Variants in ANK3 observed in about 807,000 individuals in gnomAD.
The protein encoded by ANK3 is ankyrin-3.
ANK3 carries 57 observed loss-of-function variants against 370.9 expected under a neutral mutation model. The ratio of observed to expected loss-of-function variants is 0.15; its 90% CI spans 0.12 to 0.19. ANK3 has a LOEUF of 0.19. Ranked by LOEUF, ANK3 falls within the 10% of genes least tolerant of loss-of-function variation. The pLI is 1.00. For synonymous variants in ANK3, 1,929 were observed against 1,946.3 expected (o/e 0.99, Z 0.23); for missense variants, 4,439 against 5,302.1 (o/e 0.84, Z 5.06).
At chr10:60,392,642 G>C (rs1369587510), upstream of ANK3, among the ~76,000 whole-genome samples, 1 of 152,182 alleles carries the variant, frequency 6.6e-6, no homozygotes, top group East Asian at 1.9e-4. Context: ...TAAAAGCTTA[G>C]GGTATGCCGG....
At chr10:60,505,851 A>G (rs1409095416) in intron 2 of ANK3, among the ~76,000 whole-genome samples, 1 of 152,132 alleles carries the variant, frequency 6.6e-6, no homozygotes, top group Non-Finnish European at 1.5e-5. Flanking sequence ...TCCAAGCACA[A>G]TTAAATATAT....
chr10:60,189,213 T>A (rs1046145756), intron 16 of ANK3, among the ~76,000 whole-genome samples: 3 of 152,214 alleles, frequency 2.0e-5, no homozygotes, highest in Admixed American at 6.5e-5. Flanking sequence ...GCTGTGGCAG[T>A]CAGGCATGGC....
intron 2 of ANK3, among the ~76,000 whole-genome samples, chr10:60,566,452 T>C (rs2077463654): frequency 6.6e-6 from 1 of 152,132 alleles, no homozygotes; most frequent in East Asian, 1.9e-4. Flanking sequence ...GTGAGCCAAA[T>C]TATGAATGCA....
chr10:60,107,746 TACACACACACACACATGCGCACGCGCAC>T (rs947752904), intron 27 of ANK3, among the ~76,000 whole-genome samples: 2 of 151,668 alleles, frequency 1.3e-5, no homozygotes, highest in African/African-American at 4.8e-5. Flanking sequence ...AAGATCTAAT[TACACACACACACACATGCGCACGCGCAC>T]ACACACACAC....
chr10:60,169,876 C>A (rs1003926452), intron 21 of ANK3, among the ~76,000 whole-genome samples: 8 of 152,012 alleles, frequency 5.3e-5, no homozygotes, highest in African/African-American at 1.9e-4. Flanking sequence ...TTCAACATAC[C>A]CCCTACCATT....
In ANK3 at chr10:60,072,005, T is replaced by C. The variant is rs2082793524; in HGVS notation, c.8876A>G (p.His2959Arg). 6.2e-7 allele frequency: 1 copy of C among 1,614,100 alleles called. No individual in the cohort carries two copies. Among genetic ancestry groups the C allele is most frequent in the Non-Finnish European group, 8.5e-7 (1 of 1,179,988 alleles). The change falls in exon 37 of 44, where the codon CAC becomes CGC. Residue 2959 changes from histidine (H) to arginine (R), a missense_variant. Physicochemically the swap from His to Arg is conservative, Grantham distance 29 (BLOSUM62 0). Coordinates refer to ENST00000280772, the MANE Select transcript of ANK3 (RefSeq NM_020987.5). Reference protein sequence around the residue: ...SRRSESSAVSHIPVRVADERR... With the variant: ...SRRSESSAVSRIPVRVADERR... The stretch of plus-strand genomic sequence containing the variant: ...CTCATCAGCAACTCTGACGGGAATG[T>C]GTGACACTGCTGAGCTCTCGCTCCT...
At chr10:60,675,479 A>G (rs953803784) in intron 1 of ANK3, among the ~76,000 whole-genome samples, 7 of 152,206 alleles carry the variant, frequency 4.6e-5, no homozygotes, top group Non-Finnish European at 2.9e-5. Flanking sequence ...TTTGTGCAAA[A>G]GATAGTATAG....
At chr10:60,654,020 TG>T (rs1014811837) in intron 1 of ANK3, among the ~76,000 whole-genome samples, 1 of 152,228 alleles carries the variant, frequency 6.6e-6, no homozygotes, top group African/African-American at 2.4e-5. Flanking sequence ...CTTTCAGCCA[TG>T]TTTTTGTATT....
At chr10:60,128,231 C>T (rs756572153) in intron 25 of ANK3, among the ~76,000 whole-genome samples, 1 of 152,032 alleles carries the variant, frequency 6.6e-6, no homozygotes, top group Non-Finnish European at 1.5e-5. Flanking sequence ...TCCTCAAGGG[C>T]CTTTTTCTTG....
At chr10:60,168,077 G>A (rs2095671883) in intron 21 of ANK3, among the ~76,000 whole-genome samples, 1 of 152,172 alleles carries the variant, frequency 6.6e-6, no homozygotes, top group Non-Finnish European at 1.5e-5. Context: ...CCAGGCTGGA[G>A]TGCAGTGGCA....
intron 2 of ANK3, among the ~76,000 whole-genome samples, chr10:60,568,957 T>C (rs1161068110): frequency 1.3e-5 from 2 of 152,144 alleles, no homozygotes; most frequent in African/African-American, 2.4e-5. Flanking sequence ...GTGTCCCCAC[T>C]AGGACTAACC....
intron 42 of ANK3, among the ~76,000 whole-genome samples, chr10:60,044,960 T>C (rs2076702217): frequency 6.6e-6 from 1 of 152,242 alleles, no homozygotes; most frequent in Non-Finnish European, 1.5e-5. Context: ...ACATAGTTTA[T>C]ACACTGAAGT....
At chr10:60,359,481 C>T (rs2058283013) in intron 1 of ANK3, among the ~76,000 whole-genome samples, 2 of 152,202 alleles carry the variant, frequency 1.3e-5, no homozygotes, top group Non-Finnish European at 2.9e-5. Context: ...CTATTATTTA[C>T]TAAAGCACCC....
At chr10:60,207,246 G>A (rs1001473120) in intron 10 of ANK3, among the ~76,000 whole-genome samples, 6 of 152,156 alleles carry the variant, frequency 3.9e-5, no homozygotes, top group African/African-American at 1.4e-4. Flanking sequence ...AGTACAAGAG[G>A]TGGTACGGAT....
chr10:60,576,165 T>C (rs1411395360), intron 2 of ANK3, among the ~76,000 whole-genome samples: 1 of 152,162 alleles, frequency 6.6e-6, no homozygotes, highest in Admixed American at 6.5e-5. Flanking sequence ...CAAAGCTCTA[T>C]CAGTTCACCA....
At chr10:60,218,349 A>ATGCTGCTATTTTGG (rs55913784) in intron 8 of ANK3, among the ~76,000 whole-genome samples, 56,412 of 151,768 alleles carry the variant, frequency 0.37, 11,821 homozygotes, top group East Asian at 0.5. Flanking sequence ...TATTTTGCAC[A>ATGCTGCTATTTTGG]TTAGTTGATT....
At chr10:60,606,216 C>T (rs10740036) in intron 2 of ANK3, among the ~76,000 whole-genome samples, 105,636 of 151,922 alleles carry the variant, frequency 0.7, 36,983 homozygotes, top group South Asian at 0.88. Context: ...CTTAGTTTTT[C>T]GATGCTGAAT....
intron 2 of ANK3, among the ~76,000 whole-genome samples, chr10:60,450,523 C>T (rs1178694885): frequency 6.6e-6 from 1 of 151,914 alleles, no homozygotes; most frequent in Non-Finnish European, 1.5e-5. Flanking sequence ...AGTGGGTTAG[C>T]AGCCCAGCCT....
At chr10:60,117,467 CAG>C (rs994110361) in intron 25 of ANK3, among the ~76,000 whole-genome samples, 1 of 151,998 alleles carries the variant, frequency 6.6e-6, no homozygotes, top group African/African-American at 2.4e-5. Context: ...TTGATATGCA[CAG>C]AGGACATCAA....
Sources: gnomAD v4.1 joint callset for allele counts (sites outside exome capture counted in the v4.1 genomes callset) on GRCh38, gnomAD v4.1.1 for gene constraint, MANE v1.5 for transcripts, NCBI Gene and HGNC (gene_info 2026-07-23, HGNC 2026-07-21) for gene names.